Variants in SLC26A7 observed in about 807,000 individuals in gnomAD.
SLC26A7 encodes the protein solute carrier family 26 member 7, also known as anion exchange transporter.
SLC26A7 carries 59 observed loss-of-function variants against 82.5 expected under a neutral mutation model. That is an observed-to-expected ratio of 0.72 (90% CI 0.58 to 0.89). SLC26A7 has a LOEUF of 0.89. SLC26A7 is among the 40% of genes least tolerant of loss of function. The pLI is 0.00. For missense variants in SLC26A7, 820 were observed against 793.0 expected, an observed-to-expected ratio of 1.03 and a Z score of -0.41; for synonymous variants, 271 against 274.3, an observed-to-expected ratio of 0.99 and a Z score of 0.12.
At chr8:91,390,834 G>T (rs1184125096) in intron 16 of SLC26A7, among the ~76,000 whole-genome samples, 2 of 152,100 alleles carry the variant, frequency 1.3e-5, no homozygotes, top group African/African-American at 4.8e-5. Flanking sequence ...ATGATCGGAG[G>T]GCTCACCCCA....
intron 2 of SLC26A7, among the ~76,000 whole-genome samples, chr8:91,244,034 A>G (rs1810509932): frequency 6.6e-6 from 1 of 152,232 alleles, no homozygotes; most frequent in Admixed American, 6.5e-5. Context: ...CAATATATAC[A>G]TATTTCCTTT....
At chr8:91,300,054 ATAC>A (rs1812121826) in intron 4 of SLC26A7, among the ~76,000 whole-genome samples, 1 of 152,158 alleles carries the variant, frequency 6.6e-6, no homozygotes, top group African/African-American at 2.4e-5. Flanking sequence ...AAACTTGCTG[ATAC>A]TTTTATTGGG....
chr8:91,371,190 C>G lies in SLC26A7; in HGVS notation c.1675+1357C>G, dbSNP rs1326930749. On this transcript the variant is annotated intron_variant, in intron 15 of 18. Transcript: ENST00000276609. ...ACAAGTTTGAAGAAATAGGTTGATG[C>G]TGAAAATTCAGGGTGAAAACTGGAT... 7.9e-5 allele frequency among the ~76,000 whole-genome samples: 12 copies of G among 151,806 alleles called. No homozygotes were observed. The East Asian group carries it at 2.3e-3, about 29-fold the overall frequency.
intron 15 of SLC26A7, among the ~76,000 whole-genome samples, chr8:91,383,703 T>C (rs1814724090): frequency 1.3e-5 from 2 of 152,198 alleles, no homozygotes; most frequent in Non-Finnish European, 2.9e-5. Flanking sequence ...TCAGTCAGTT[T>C]ATGTCAATAC....
chr8:91,252,898 A>G (rs1810698935), intron 2 of SLC26A7, among the ~76,000 whole-genome samples: 1 of 152,104 alleles, frequency 6.6e-6, no homozygotes, highest in East Asian at 1.9e-4. Context: ...TTAATGCCCA[A>G]GGCAAATTTG....
At chr8:91,300,153 G>A (rs1415822797) in intron 4 of SLC26A7, among the ~76,000 whole-genome samples, 1 of 152,144 alleles carries the variant, frequency 6.6e-6, no homozygotes, top group Non-Finnish European at 1.5e-5. Flanking sequence ...ATCTAATTTT[G>A]TGTTTTTCAG....
chr8:91,336,983 T>A (rs1813261615), intron 6 of SLC26A7, among the ~76,000 whole-genome samples: 1 of 152,196 alleles, frequency 6.6e-6, no homozygotes, highest in South Asian at 2.1e-4. Context: ...TGTTAATATG[T>A]CTGATTCTAA....
At chr8:91,278,949 T>A (rs1454167172) in intron 2 of SLC26A7, among the ~76,000 whole-genome samples, 1 of 151,852 alleles carries the variant, frequency 6.6e-6, no homozygotes, top group East Asian at 1.9e-4. Context: ...CATTTCACTC[T>A]TTCTATTAGT....
chr8:91,239,059 G>T (rs1385479325), intron 2 of SLC26A7, among the ~76,000 whole-genome samples: 1 of 152,050 alleles, frequency 6.6e-6, no homozygotes, highest in Non-Finnish European at 1.5e-5. Context: ...TATACCCAGA[G>T]TCAGTCTCTT....
chr8:91,335,828 G>A lies in SLC26A7; in HGVS notation c.795+1381G>A, dbSNP rs371651029. Among the ~76,000 whole-genome samples the A allele has an allele frequency of 2.4e-4, 37 of 152,224 alleles. No individual in the cohort carries two copies. In the East Asian group the frequency reaches 5.4e-3, roughly 22 times the overall value. ...CCCTTAGTGATGACTTTAAAAGCCG[G>A]GTTAGAACAGAGAATTTTCCTAGTC... On this transcript the variant is annotated intron_variant, in intron 6 of 18. Transcript: ENST00000276609.
intron 11 of SLC26A7, among the ~76,000 whole-genome samples, chr8:91,355,116 G>A (rs1813826184): frequency 6.6e-6 from 1 of 151,930 alleles, no homozygotes; most frequent in Admixed American, 6.6e-5. Context: ...TTATCTTTAG[G>A]CATTGAGGGG....
rs1052839726 is a variant in SLC26A7, at chr8:91,385,895, C to A, written c.1676-3443C>A. ...AGAATTTTCAATACCTTTTAATCAC[C>A]ATTTTCTAGTCAATTAAATGCAGTT... On this transcript the variant is annotated intron_variant, in intron 15 of 18. Coordinates refer to ENST00000276609, the MANE Select transcript of SLC26A7 (RefSeq NM_052832.4). Among the ~76,000 whole-genome samples the A allele has an allele frequency of 8.5e-5, 13 of 152,048 alleles. 1 individual carries two copies. Among genetic ancestry groups the A allele is most frequent in the Admixed American group, 2.0e-4 (3 of 15,268 alleles).
intron 2 of SLC26A7, among the ~76,000 whole-genome samples, chr8:91,242,648 G>A (rs1810490284): frequency 6.6e-6 from 1 of 152,124 alleles, no homozygotes; most frequent in Non-Finnish European, 1.5e-5. Context: ...TCTGCCATGT[G>A]AGAATGCAGA....
chr8:91,255,489 G>A (rs1343262974), intron 2 of SLC26A7, among the ~76,000 whole-genome samples: 4 of 152,114 alleles, frequency 2.6e-5, no homozygotes, highest in Non-Finnish European at 5.9e-5. Flanking sequence ...CATTAGCCAC[G>A]TATCTCTAAC....
At chr8:91,355,120 TG>T (rs970052817) in intron 11 of SLC26A7, among the ~76,000 whole-genome samples, 3 of 152,124 alleles carry the variant, frequency 2.0e-5, no homozygotes, top group African/African-American at 7.2e-5. Flanking sequence ...CTTTAGGCAT[TG>T]AGGGGTAAAG....
intron 13 of SLC26A7, among the ~76,000 whole-genome samples, chr8:91,364,078 A>G (rs1814125321): frequency 6.6e-6 from 1 of 152,100 alleles, no homozygotes; most frequent in Non-Finnish European, 1.5e-5. Context: ...AACTTGTATA[A>G]ACAGTTTTGC....
chr8:91,239,375 CA>C (rs1219500630), intron 2 of SLC26A7, among the ~76,000 whole-genome samples: 5,703 of 83,928 alleles, frequency 0.068, 99 homozygotes, highest in Middle Eastern at 0.11. Context: ...GACTCCGTCT[CA>C]AAAAAAAAAA....
At chr8:91,301,541 T>A (rs1042604227) in intron 4 of SLC26A7, among the ~76,000 whole-genome samples, 4 of 152,074 alleles carry the variant, frequency 2.6e-5, no homozygotes, top group Middle Eastern at 6.8e-3. Context: ...TTTAAAAAAA[T>A]TTATTGTTTC....
chr8:91,376,184 C>T (rs1814511334), intron 15 of SLC26A7, among the ~76,000 whole-genome samples: 1 of 152,108 alleles, frequency 6.6e-6, no homozygotes, highest in South Asian at 2.1e-4. Context: ...CACTGAGTTT[C>T]TTTGGAATCC....
Sources: allele counts gnomAD v4.1 joint callset (sites outside exome capture counted in the v4.1 genomes callset), GRCh38; gene constraint gnomAD v4.1.1; transcripts MANE v1.5; gene names NCBI Gene and HGNC (gene_info 2026-07-23, HGNC 2026-07-21).